Variants in AAAS observed in about 807,000 individuals in gnomAD.
The protein encoded by AAAS is aladin.
In AAAS, 60 loss-of-function variants were observed where a neutral mutation model predicts 75.6. The ratio of observed to expected loss-of-function variants is 0.79; its 90% CI spans 0.64 to 0.98. The LOEUF is 0.98. Among genes scored for constraint, AAAS ranks in the 50% least tolerant of loss-of-function variants. AAAS has a pLI of 0.00. For synonymous variants in AAAS, 271 were observed against 265.0 expected (o/e 1.02, Z -0.22); for missense variants, 658 against 686.9 (o/e 0.96, Z 0.47).
intron 2 of AAAS, among the ~76,000 whole-genome samples, chr12:53,317,158 C>T (rs1013559485): frequency 2.7e-5 from 4 of 150,472 alleles, no homozygotes; most frequent in Non-Finnish European, 4.4e-5. Context: ...GGTGCGGTGG[C>T]TCACACCTGT....
chr12:53,318,281 G>GTTA (rs1944498550), intron 2 of AAAS, among the ~76,000 whole-genome samples: 3 of 124,626 alleles, frequency 2.4e-5, no homozygotes, highest in Non-Finnish European at 3.4e-5. Context: ...TGTTAAGACG[G>GTTA]AGTCTCACTC....
intron 7 of AAAS, among the ~76,000 whole-genome samples, chr12:53,313,746 C>A (rs932299038): frequency 1.3e-4 from 19 of 151,178 alleles, no homozygotes; most frequent in African/African-American, 4.6e-4. Flanking sequence ...GTAGCTGGGA[C>A]TACAGGTGTG....
Position 53,308,120 on chromosome 12 carries a change from T to C in AAAS, c.1263A>G (p.Val421=). Residue 421 remains valine, a synonymous_variant, in exon 14 of 16, where the codon GTA becomes GTG. Coordinates refer to ENST00000209873, the MANE Select transcript of AAAS (RefSeq NM_015665.6). The part of the protein sequence containing the change: ...LAVLMKGKPR[V]QDGKPVILLF... ...GGAGGATGACTGGTTTACCATCCTG[T>C]ACCCTTGGCTTTCCTGTAAGAAATG... 6.2e-7 allele frequency: 1 copy of C among 1,614,214 alleles called. No individual in the cohort carries two copies. The highest frequency in any genetic ancestry group is 8.5e-7 in the Non-Finnish European group (1 of 1,180,034).
chr12:53,308,295 A>C lies in AAAS; in HGVS notation c.1236T>G (p.Ala412=). The change falls in exon 13 of 16, where the codon GCT becomes GCG. Residue 412 remains alanine (A), a synonymous_variant. Transcript: ENST00000209873. ...CTTGCCTCTCACCTTTCATAAGCACAGCCAGACGTTCCCCACTGGGGTCCC... is the reference window on the plus strand; with the variant it reads ...CTTGCCTCTCACCTTTCATAAGCACCGCCAGACGTTCCCCACTGGGGTCCC... ...MVWDPSGERL[A]VLMKGKPRVQ... is the part of the protein sequence containing the mutation. 2 of 1,614,194 alleles carry C rather than the reference A, an allele frequency of 1.2e-6. No homozygotes were observed. The highest frequency in any genetic ancestry group is 2.7e-5 in the African/African-American group (2 of 75,056).
At chr12:53,313,694 C>T (rs140939355) in intron 7 of AAAS, among the ~76,000 whole-genome samples, 2,255 of 151,986 alleles carry the variant, frequency 0.015, 14 homozygotes, top group Non-Finnish European at 0.022. Flanking sequence ...CTGCAACCTC[C>T]GCCTCCCAGA....
In AAAS at chr12:53,307,824, C is replaced by T. The variant is rs759207129; in HGVS notation, c.1416+21G>A. 14 of 1,613,928 alleles carry T rather than the reference C, an allele frequency of 8.7e-6. No homozygotes were observed. The Admixed American group carries it at 2.2e-4, about 25-fold the overall frequency. Reference sequence around the variant, plus strand: ...CTTCTCCATCCAACTCCTGGAAGCCCCAGCAGCCTGGCGCACTCACCACAC... The same window carrying T: ...CTTCTCCATCCAACTCCTGGAAGCCTCAGCAGCCTGGCGCACTCACCACAC... On this transcript the variant is annotated intron_variant, in intron 15 of 15. Transcript: ENST00000209873.
At chr12:53,315,588 G>GACACCCACTCT in intron 3 of AAAS, 139 bp downstream of exon 3, 2 of 1,256,844 alleles carry the variant, frequency 1.6e-6, no homozygotes, top group Non-Finnish European at 2.3e-6. Flanking sequence ...ACCCACTCTG[G>GACACCCACTCT]GTTATTTGGG....
chr12:53,314,605 G>T (rs562064426), intron 6 of AAAS, 146 bp downstream of exon 6: 2 of 1,309,356 alleles, frequency 1.5e-6, no homozygotes, highest in East Asian at 2.5e-5. Context: ...GAAGAAGCAC[G>T]CATCCAGTTA....
chr12:53,312,308 G>A (rs981466669), intron 7 of AAAS, among the ~76,000 whole-genome samples: 2 of 151,994 alleles, frequency 1.3e-5, no homozygotes, highest in Non-Finnish European at 2.9e-5. Flanking sequence ...GGGCACGGTG[G>A]CTCACTTCTA....
rs1944322436 is a variant in AAAS at position 53,308,147 on chromosome 12, A to T, written c.1250-14T>A. ...CCCTTGGCTTTCCTGTAAGAAATGG[A>T]TCCAGGGATAGGGGAGGAACTCTGA... On this transcript the variant is annotated splice_polypyrimidine_tract_variant and intron_variant, in intron 13 of 15. Transcript: ENST00000209873. 1 of 1,613,898 alleles carries T rather than the reference A, an allele frequency of 6.2e-7. No homozygotes were observed. Among genetic ancestry groups the T allele is most frequent in the Admixed American group, 1.7e-5 (1 of 60,010 alleles).
chr12:53,315,891 A>C (rs187647179), intron 2 of AAAS, 109 bp from the exon 3 acceptor site: 88 of 1,187,548 alleles, frequency 7.4e-5, no homozygotes, highest in Admixed American at 6.5e-4. Context: ...ACTCACATTT[A>C]ATGAGTGCCA....
intron 8 of AAAS, 76 bp downstream of exon 8, chr12:53,309,525 C>G: frequency 6.2e-7 from 1 of 1,609,344 alleles, no homozygotes. Context: ...CTCCTTCCCC[C>G]AAGATGTTTC....
chr12:53,321,114 T>G, intron 1 of AAAS: 9 of 633,232 alleles, frequency 1.4e-5, no homozygotes, highest in Admixed American at 3.0e-5. Flanking sequence ...TTCTCCCTCA[T>G]TCTCTCCATT....
At position 53,314,448 on chromosome 12, in the gene AAAS, T is replaced by C. The variant is rs1297548353; in HGVS notation, c.546-7A>G. On this transcript the variant is annotated splice_polypyrimidine_tract_variant and splice_region_variant and intron_variant, in intron 6 of 15. Transcript: ENST00000209873. ...CAGGGAGGGGACTATGGTGCTAGGG[T>C]GAAGGGGCAGGAAACTGAGTCAAGG... is the stretch of plus-strand genomic sequence containing the variant. 3.1e-6 allele frequency: 5 copies of C among 1,613,246 alleles called. No homozygotes were observed. The highest frequency in any genetic ancestry group is 4.2e-6 in the Non-Finnish European group (5 of 1,179,876).
intron 2 of AAAS, among the ~76,000 whole-genome samples, chr12:53,318,265 TGTG>T (rs1565783348): frequency 1.9e-4 from 28 of 150,540 alleles, no homozygotes; most frequent in African/African-American, 6.5e-4. Context: ...TGTGTGTGTG[TGTG>T]TGTGTTAAGA....
chr12:53,311,551 C>T (rs1301226694), intron 7 of AAAS, among the ~76,000 whole-genome samples: 4 of 152,056 alleles, frequency 2.6e-5, no homozygotes, highest in East Asian at 1.9e-4. Context: ...CTGTAGTGTG[C>T]AATGATTGAG....
chr12:53,315,250 A>C (rs1293882419), intron 4 of AAAS, 85 bp downstream of exon 4: 1 of 1,596,156 alleles, frequency 6.3e-7, no homozygotes, highest in East Asian at 2.2e-5. Context: ...ATCACACCCA[A>C]CCCTGACCTG....
chr12:53,307,927 C>A lies in AAAS; in HGVS notation c.1334G>T (p.Gly445Val), dbSNP rs775259180. The change falls in exon 15 of 16, where the codon GGC becomes GTC. Residue 445 changes from glycine to valine, a missense_variant and splice_region_variant. Coordinates refer to ENST00000209873, the MANE Select transcript of AAAS (RefSeq NM_015665.6). ...NSPVFELLPC[G>V]IIQGEPGAQP... ...GGCTCCTGGCTCCCCCTGGATAATG[C>A]CACTAGAAGAAAAGGTGAGCAGGCA... 1 of 1,614,142 alleles carries A rather than the reference C, an allele frequency of 6.2e-7. No individual in the cohort carries two copies. Among genetic ancestry groups the A allele is most frequent in the Non-Finnish European group, 8.5e-7 (1 of 1,180,028 alleles).
chr12:53,314,570 C>CA (rs1944436218), intron 6 of AAAS, 129 bp from the exon 7 acceptor site: 2 of 1,422,126 alleles, frequency 1.4e-6, no homozygotes, highest in Admixed American at 3.8e-5. Flanking sequence ...CACCATAGGA[C>CA]AGGAGGGGAT....
Sources: gnomAD v4.1 joint callset for allele counts (sites outside exome capture counted in the v4.1 genomes callset) on GRCh38, gnomAD v4.1.1 for gene constraint, MANE v1.5 for transcripts, NCBI Gene and HGNC (gene_info 2026-07-23, HGNC 2026-07-21) for gene names.